TIMELESS: variants seen among roughly 807,000 people sequenced by gnomAD.
TIMELESS encodes the protein timeless circadian regulator.
A neutral mutation model predicts 164.3 loss-of-function variants in TIMELESS; 124 were observed. That is an observed-to-expected ratio of 0.75 (90% CI 0.65 to 0.88). TIMELESS has a LOEUF of 0.88. Ranked by LOEUF, TIMELESS falls within the 40% of genes least tolerant of loss-of-function variation. The pLI is 0.00. For synonymous variants in TIMELESS, 564 were observed against 563.4 expected (o/e 1.00, Z -0.02); for missense variants, 1,422 against 1,491.4 (o/e 0.95, Z 0.77).
rs1196994361 is a variant in TIMELESS, at chr12:56,430,132, A to T, written c.1059T>A (p.Cys353Ter). 6.2e-7 allele frequency: 1 copy of T among 1,613,622 alleles called. No homozygotes were observed. Among genetic ancestry groups the T allele is most frequent in the Non-Finnish European group, 8.5e-7 (1 of 1,179,884 alleles). ...RDFCSEFLEN[C>*]YNRLMGSVKD... ...TTACTGATCCCATGAGCCGGTTGTA[A>T]CAGTTCTCCAGGAACTCAGAGCAGA... The change falls in exon 10 of 29, where the codon TGT (cysteine) becomes TGA (stop). Residue 353 changes from cysteine (C) to a stop codon, truncating the protein, a stop_gained. Transcript: ENST00000553532. LOFTEE classifies it high-confidence loss of function.
rs879488638 is a variant in TIMELESS, at chr12:56,436,930, AT to A, written c.-61-2700del. 5.3e-3 allele frequency among the ~76,000 whole-genome samples: 760 copies of A among 143,168 alleles called. 3 individuals carry two copies. The highest frequency in any genetic ancestry group is 0.012 in the African/African-American group (471 of 39,138). The allele number at this position is 143,168 out of a possible 152,430, so 93.9% of individuals were successfully genotyped here. A position where few individuals can be genotyped will look rare whatever the true frequency, so the allele number is the denominator to read the frequency against. The stretch of plus-strand genomic sequence containing the variant: ...GAGCTTGGCATATAGCGAGCATGCA[AT>A]TTTTTTTTTTTTTTTGAGACAGAGT... On this transcript the variant is annotated intron_variant, in intron 1 of 28. Coordinates refer to ENST00000553532, the MANE Select transcript of TIMELESS (RefSeq NM_003920.5).
Position 56,429,039 on chromosome 12 carries a change from G to A in TIMELESS, c.1148C>T (p.Ala383Val). The A allele has an allele frequency of 6.2e-7, 1 of 1,614,052 alleles. No homozygotes were observed. Among genetic ancestry groups the A allele is most frequent in the Non-Finnish European group, 8.5e-7 (1 of 1,180,006 alleles). ...AGCTCGGTTGAAGGCCATGAAGAAA[G>A]CCAAGGCCCACATATAATAGGTCTC... ...HDETYYMWAL[A>V]FFMAFNRAAS... Residue 383 changes from alanine (A) to valine (V), a missense_variant, in exon 11 of 29, where the codon GCT (alanine) becomes GTT (valine). By Grantham distance (64) the Ala-to-Val change is moderately conservative (BLOSUM62 0). Transcript: ENST00000553532.
rs72480407 is a variant in TIMELESS, at chr12:56,418,044, C to T, written c.3455-36G>A. On this transcript the variant is annotated intron_variant, in intron 27 of 28. Transcript: ENST00000553532. ...CATAAATGACACAAAATTAGGAACT[C>T]GGTCCTCATATTCTCAGAACACCTT... 5.2e-3 allele frequency: 8,467 copies of T among 1,613,686 alleles called. 55 individuals carry two copies. Among genetic ancestry groups the T allele is most frequent in the South Asian group, 0.019 (1,763 of 91,060 alleles).
chr12:56,422,192 C>T lies in TIMELESS; in HGVS notation c.2439-1G>A. The T allele has an allele frequency of 6.2e-7, 1 of 1,613,844 alleles. No individual in the cohort carries two copies. The highest frequency in any genetic ancestry group is 8.5e-7 in the Non-Finnish European group (1 of 1,180,004). On this transcript the variant is annotated splice_acceptor_variant, in intron 19 of 28. Coordinates refer to ENST00000553532, the MANE Select transcript of TIMELESS (RefSeq NM_003920.5). LOFTEE classifies it high-confidence loss of function. ...TGTAGGTGCTCTGCGACTGGAAGACCTGAATGGTGAAAGGAGAAAGGGAGC... is the reference window on the plus strand; with the variant it reads ...TGTAGGTGCTCTGCGACTGGAAGACTTGAATGGTGAAAGGAGAAAGGGAGC...
rs943804263 is a variant in TIMELESS, at chr12:56,444,651, A to G, written c.-62+4659T>C. Among the ~76,000 whole-genome samples the G allele has an allele frequency of 6.6e-5, 10 of 152,038 alleles. No individual in the cohort carries two copies. In the South Asian group the frequency reaches 1.9e-3, roughly 28 times the overall value. ...AGCCTCAAGCCCCCAGGCTCAAGCT[A>G]TCCTCCGACCGCAGCCTCCCAAAGT... On this transcript the variant is annotated intron_variant, in intron 1 of 28. Coordinates refer to ENST00000553532, the MANE Select transcript of TIMELESS (RefSeq NM_003920.5).
intron 23 of TIMELESS, 81 bp downstream of exon 23, chr12:56,421,270 G>A: frequency 1.9e-6 from 3 of 1,582,866 alleles, no homozygotes; most frequent in African/African-American, 1.3e-5. Flanking sequence ...CCTCAGGCAG[G>A]AAGAATCCAG....
At position 56,428,298 on chromosome 12, in the gene TIMELESS, T is replaced by C. The variant is rs370980358; in HGVS notation, c.1516A>G (p.Thr506Ala). 9.3e-6 allele frequency: 15 copies of C among 1,613,050 alleles called. No individual in the cohort carries two copies. In the African/African-American group the frequency reaches 2.0e-4, roughly 22 times the overall value. Residue 506 changes from threonine (T) to alanine (A), a missense_variant, in exon 13 of 29, where the codon ACC (threonine) becomes GCC (alanine). Thr to Ala is a moderately conservative substitution (Grantham distance 58). Transcript: ENST00000553532. ...TCCAACATTTTGAGGAAGAGGTGGG[T>C]GGTCTCCACCAGGTCACGAAGGAAA... is the stretch of plus-strand genomic sequence containing the variant. ...RSFLRDLVETTHLFLKMLERF... is the reference protein window; with the variant it reads ...RSFLRDLVETAHLFLKMLERF...
intron 1 of TIMELESS, among the ~76,000 whole-genome samples, chr12:56,437,698 T>A (rs986919879): frequency 4.6e-5 from 7 of 152,132 alleles, no homozygotes; most frequent in Non-Finnish European, 7.4e-5. Context: ...AAGGACCCCA[T>A]GGCCCGCAGG....
At chr12:56,429,203 A>ATTT in intron 10 of TIMELESS, 103 bp from the exon 11 acceptor site, 19 of 925,324 alleles carry the variant, frequency 2.1e-5, no homozygotes, top group African/African-American at 6.9e-5. Flanking sequence ...CACCGTCATA[A>ATTT]TTTTTTTTTT....
At chr12:56,422,798 C>T (rs748181622) in intron 19 of TIMELESS, 49 bp downstream of exon 19, 17 of 1,550,114 alleles carry the variant, frequency 1.1e-5, no homozygotes, top group Non-Finnish European at 1.3e-5. Flanking sequence ...TGTGACTCTG[C>T]ATCAAACTTC....
Position 56,423,271 on chromosome 12 carries a change from C to T in TIMELESS, c.2292+3G>A. The T allele has an allele frequency of 6.2e-7, 1 of 1,614,020 alleles. No homozygotes were observed. The highest frequency in any genetic ancestry group is 8.5e-7 in the Non-Finnish European group (1 of 1,179,974). On this transcript the variant is annotated splice_donor_region_variant and intron_variant, in intron 18 of 28. Transcript: ENST00000553532. ...AGAACCCCATTCCTTGTTATCCCCT[C>T]ACTTTGTAGGCTCCAGCAGCAGGGT...
chr12:56,435,062 C>G (rs1882026312), intron 1 of TIMELESS, among the ~76,000 whole-genome samples: 1 of 152,098 alleles, frequency 6.6e-6, no homozygotes, highest in Non-Finnish European at 1.5e-5. Flanking sequence ...ACCCTGTCAC[C>G]CTCCACTTTC....
In TIMELESS at chr12:56,418,053, T is replaced by C. The variant is rs781391151; in HGVS notation, c.3455-45A>G. On this transcript the variant is annotated intron_variant, in intron 27 of 28. Coordinates refer to ENST00000553532, the MANE Select transcript of TIMELESS (RefSeq NM_003920.5). ...CACAAAATTAGGAACTCGGTCCTCA[T>C]ATTCTCAGAACACCTTTCCTGCCCT... is the stretch of plus-strand genomic sequence containing the variant. 10 of 1,613,718 alleles carry C rather than the reference T, an allele frequency of 6.2e-6. No individual in the cohort carries two copies. The South Asian group carries it at 9.9e-5, about 16-fold the overall frequency.
intron 1 of TIMELESS, among the ~76,000 whole-genome samples, chr12:56,439,976 T>A (rs1868252320): frequency 1.3e-5 from 2 of 152,108 alleles, no homozygotes; most frequent in African/African-American, 2.4e-5. Context: ...AACTGGACAT[T>A]TAAAAGGGAT....
At chr12:56,420,492 A>G in intron 26 of TIMELESS, 77 bp downstream of exon 26, 1 of 1,190,196 alleles carries the variant, frequency 8.4e-7, no homozygotes, top group Non-Finnish European at 1.2e-6. Context: ...GACCACCATG[A>G]CAGTGAGGAG....
chr12:56,431,717 G>A, intron 7 of TIMELESS, 113 bp from the exon 8 acceptor site: 1 of 1,324,832 alleles, frequency 7.5e-7, no homozygotes, highest in Non-Finnish European at 1.0e-6. Context: ...ATGGGGCATT[G>A]TGCTGTCGTT....
intron 26 of TIMELESS, among the ~76,000 whole-genome samples, chr12:56,419,309 G>C (rs1352351511): frequency 6.6e-6 from 1 of 152,162 alleles, no homozygotes; most frequent in Non-Finnish European, 1.5e-5. Flanking sequence ...CAGGATTAAG[G>C]CTGCATCAGG....
rs745355487 is a variant in TIMELESS at position 56,428,875 on chromosome 12, C to T, written c.1304+8G>A. ...GCTCACTGTATCTCCAGTAACCATC[C>T]CACTCACCGGCGTGCCCAGGAGGCA... On this transcript the variant is annotated splice_region_variant and intron_variant, in intron 11 of 28. Transcript: ENST00000553532. The T allele has an allele frequency of 6.2e-7, 1 of 1,612,742 alleles. No individual in the cohort carries two copies. The highest frequency in any genetic ancestry group is 8.5e-7 in the Non-Finnish European group (1 of 1,179,586).
rs747039181 is a variant in TIMELESS at position 56,421,148 on chromosome 12, G to C, written c.2869-14C>G. 1.3e-5 allele frequency: 21 copies of C among 1,613,422 alleles called. No homozygotes were observed. In the East Asian group the frequency reaches 4.5e-4, roughly 34 times the overall value. On this transcript the variant is annotated splice_polypyrimidine_tract_variant and intron_variant, in intron 23 of 28. Coordinates refer to ENST00000553532, the MANE Select transcript of TIMELESS (RefSeq NM_003920.5). ...CGCTCCATTTGGCTAAAATTCATTG[G>C]GGGTTGGGGGAATGAAAATGAAGGC...
Sources: allele counts gnomAD v4.1 joint callset (sites outside exome capture counted in the v4.1 genomes callset), GRCh38; gene constraint gnomAD v4.1.1; transcripts MANE v1.5; gene names NCBI Gene and HGNC (gene_info 2026-07-23, HGNC 2026-07-21).